ABLIM2: variants seen among roughly 807,000 people sequenced by gnomAD.
ABLIM2 encodes actin-binding LIM protein 2.
A neutral mutation model predicts 97.7 loss-of-function variants in ABLIM2; 53 were observed. That is an observed-to-expected ratio of 0.54 (90% CI 0.44 to 0.68). The LOEUF is 0.68. ABLIM2 is among the 30% of genes least tolerant of loss of function. The probability of loss-of-function intolerance (pLI) is 0.00; values close to 1 mark genes in which losing one functional copy is unlikely to be tolerated. For synonymous variants in ABLIM2, 361 were observed against 345.8 expected, an observed-to-expected ratio of 1.04 and a Z score of -0.49; for missense variants, 835 against 867.2, an observed-to-expected ratio of 0.96 and a Z score of 0.47.
intron 9 of ABLIM2, among the ~76,000 whole-genome samples, chr4:8,037,547 C>A (rs1395166948): frequency 6.6e-6 from 1 of 151,956 alleles, no homozygotes; most frequent in Non-Finnish European, 1.5e-5. Context: ...CTCACTCACA[C>A]ACAACCGGCA....
chr4:7,970,321 A>G lies in ABLIM2; in HGVS notation c.1825-3218T>C, dbSNP rs974508131. Among the ~76,000 whole-genome samples, 1 of 151,652 alleles carries G rather than the reference A, an allele frequency of 6.6e-6. No individual in the cohort carries two copies. Among genetic ancestry groups the G allele is most frequent in the Non-Finnish European group, 1.5e-5 (1 of 67,920 alleles). Reference sequence around the variant, plus strand: ...GCTTCCTGCTGGGGGAGGCTAAGGGAGGGGCGCAAAGGTGCTGGTGGGCAG... The same window carrying G: ...GCTTCCTGCTGGGGGAGGCTAAGGGGGGGGCGCAAAGGTGCTGGTGGGCAG... On this transcript the variant is annotated intron_variant, in intron 20 of 20. Transcript: ENST00000447017. The surrounding 1 kb of genome is among the most constrained non-coding windows in gnomAD (Gnocchi z 5.3).
intron 1 of ABLIM2, among the ~76,000 whole-genome samples, chr4:8,158,363 C>A (rs1319974081): frequency 6.6e-6 from 1 of 152,180 alleles, no homozygotes; most frequent in Non-Finnish European, 1.5e-5. Context: ...ACCCTGACCG[C>A]TTTCTGCAGC....
At position 8,061,058 on chromosome 4, in the gene ABLIM2, TA is replaced by T; in HGVS notation, c.676-5del. 6.3e-7 allele frequency: 1 copy of T among 1,580,124 alleles called. No individual in the cohort carries two copies. The highest frequency in any genetic ancestry group is 1.2e-5 in the South Asian group (1 of 86,106). ...GGTGGTAGTGCTTCTCTCCGGCCTG[TA>T]AGAAAAGCACAAAGCAGAATGTTTC... On this transcript the variant is annotated splice_polypyrimidine_tract_variant and splice_region_variant and intron_variant, in intron 6 of 20. Coordinates refer to ENST00000447017, the MANE Select transcript of ABLIM2 (RefSeq NM_001130083.2). The surrounding 1 kb of genome is among the most constrained non-coding windows in gnomAD (Gnocchi z 4.5).
intron 6 of ABLIM2, among the ~76,000 whole-genome samples, chr4:8,062,036 G>A (rs1271574650): frequency 1.3e-5 from 2 of 152,146 alleles, no homozygotes; most frequent in African/African-American, 4.8e-5. Context: ...TGATAAGGCC[G>A]TGAATCTTCC....
rs1352242630 is a variant in ABLIM2 at position 8,120,083 on chromosome 4, A to C, written c.11-13446T>G. Reference sequence around the variant, plus strand: ...GCGACAGGCACAGACGTCGGGCGGCAGGGTCCCTGGCGGCCCCCAGAGCCT... The same window carrying C: ...GCGACAGGCACAGACGTCGGGCGGCCGGGTCCCTGGCGGCCCCCAGAGCCT... On this transcript the variant is annotated intron_variant, in intron 1 of 20. Coordinates refer to ENST00000447017, the MANE Select transcript of ABLIM2 (RefSeq NM_001130083.2). The surrounding 1 kb of genome is among the most constrained non-coding windows in gnomAD (Gnocchi z 5.6). 3.3e-5 allele frequency among the ~76,000 whole-genome samples: 5 copies of C among 152,178 alleles called. No homozygotes were observed. The highest frequency in any genetic ancestry group is 3.3e-4 in the Admixed American group (5 of 15,290).
chr4:8,053,173 A>G (rs1467007804), intron 8 of ABLIM2, among the ~76,000 whole-genome samples: 1 of 152,194 alleles, frequency 6.6e-6, no homozygotes, highest in African/African-American at 2.4e-5. Context: ...CTGCTCACTG[A>G]GATAAGTGCA....
intron 15 of ABLIM2, 128 bp from the exon 16 acceptor site, chr4:8,008,328 T>C (rs1047625309): frequency 2.3e-6 from 2 of 852,418 alleles, no homozygotes; most frequent in African/African-American, 1.7e-5. Context: ...GAAAACTCAA[T>C]ATGTGAGAGA....
intron 20 of ABLIM2, among the ~76,000 whole-genome samples, chr4:7,967,477 T>C (rs1723812706): frequency 6.6e-6 from 1 of 152,190 alleles, no homozygotes; most frequent in Admixed American, 6.5e-5. Flanking sequence ...ATTTGTTACT[T>C]CAGTGAGTGG....
Position 7,971,205 on chromosome 4 carries a change from G to A in ABLIM2, c.1825-4102C>T, listed in dbSNP as rs148538489. Among the ~76,000 whole-genome samples, 648 of 152,290 alleles carry A rather than the reference G, an allele frequency of 4.3e-3. 1 individual carries two copies. The highest frequency in any genetic ancestry group is 0.012 in the African/African-American group (493 of 41,568). ...CTCACTCAGGGCCAGAGGCAGGCAGGCTTTCTCCATGGGTCTGCCAGGGCA... is the reference window on the plus strand; with the variant it reads ...CTCACTCAGGGCCAGAGGCAGGCAGACTTTCTCCATGGGTCTGCCAGGGCA... On this transcript the variant is annotated intron_variant, in intron 20 of 20. Transcript: ENST00000447017.
chr4:8,111,719 A>C (rs1840421206), intron 1 of ABLIM2, among the ~76,000 whole-genome samples: 3 of 152,158 alleles, frequency 2.0e-5, no homozygotes, highest in African/African-American at 7.2e-5. Flanking sequence ...TGAGGTCAGG[A>C]GTTTGAGATC....
At chr4:8,024,124 G>A (rs749192066) in intron 12 of ABLIM2, among the ~76,000 whole-genome samples, 16 of 152,156 alleles carry the variant, frequency 1.1e-4, no homozygotes, top group Admixed American at 5.9e-4. Context: ...TGGAGGGTGC[G>A]GGCCTGGACC....
intron 1 of ABLIM2, among the ~76,000 whole-genome samples, chr4:8,137,845 C>T (rs1050313623): frequency 1.3e-5 from 2 of 152,178 alleles, no homozygotes; most frequent in Non-Finnish European, 2.9e-5. Flanking sequence ...AAAGCAGGCT[C>T]CCTAGGAGAT....
chr4:8,039,424 GCCCCTGCCCGACCCCTCAGACA>G (rs1160142853), intron 9 of ABLIM2, among the ~76,000 whole-genome samples: 22 of 152,292 alleles, frequency 1.4e-4, no homozygotes, highest in African/African-American at 5.3e-4. Context: ...GATGCCAACA[GCCCCTGCCCGACCCCTCAGACA>G]GGTTGCTAAG....
At position 8,083,210 on chromosome 4, in the gene ABLIM2, A is replaced by G. The variant is rs1308120327; in HGVS notation, c.455-2408T>C. On this transcript the variant is annotated intron_variant, in intron 4 of 20. Transcript: ENST00000447017. This position sits in a 1 kb window ranked among gnomAD's most constrained non-coding sequence, Gnocchi z 4.6. The stretch of plus-strand genomic sequence containing the variant: ...CATGGGGCTGTGTGTCGACCAGAGG[A>G]CAGACAGCAGACAGCAGCGGTCAGA... Among the ~76,000 whole-genome samples, 1 of 152,180 alleles carries G rather than the reference A, an allele frequency of 6.6e-6. No individual in the cohort carries two copies. Among genetic ancestry groups the G allele is most frequent in the Non-Finnish European group, 1.5e-5 (1 of 68,038 alleles).
rs34336913 is a variant in ABLIM2 at position 7,999,216 on chromosome 4, C to T, written c.1619-6289G>A. ...CTGGGATTACAGGCATGTACCACTG[C>T]GCCCAGCTAATTTTGTATTTTTAGT... On this transcript the variant is annotated intron_variant, in intron 16 of 20. Coordinates refer to ENST00000447017, the MANE Select transcript of ABLIM2 (RefSeq NM_001130083.2). This position sits in a 1 kb window ranked among gnomAD's most constrained non-coding sequence, Gnocchi z 4.4. Among the ~76,000 whole-genome samples the T allele has an allele frequency of 0.069, 10,487 of 152,202 alleles. 434 individuals are homozygous for T. Among genetic ancestry groups the T allele is most frequent in the Non-Finnish European group, 0.091 (6,177 of 68,000 alleles).
rs1791003639 is a variant in ABLIM2, at chr4:8,044,657, C to T, written c.900+507G>A. Among the ~76,000 whole-genome samples the T allele has an allele frequency of 8.3e-6, 1 of 119,918 alleles. No individual in the cohort carries two copies. Among genetic ancestry groups the T allele is most frequent in the Non-Finnish European group, 1.9e-5 (1 of 51,722 alleles). 78.7% of individuals were successfully genotyped at this position (119,918 alleles called of 152,430 possible). A position where few individuals can be genotyped will look rare whatever the true frequency, so the allele number is the denominator to read the frequency against. On this transcript the variant is annotated intron_variant, in intron 9 of 20. Coordinates refer to ENST00000447017, the MANE Select transcript of ABLIM2 (RefSeq NM_001130083.2). The surrounding 1 kb of genome is among the most constrained non-coding windows in gnomAD (Gnocchi z 4.4). ...AGGCGCACAGACACACACACACACACACACACACAGAGTCTCTCTCTCTCT... is the reference window on the plus strand; with the variant it reads ...AGGCGCACAGACACACACACACACATACACACACAGAGTCTCTCTCTCTCT...
chr4:8,000,919 C>G (rs149007550), intron 16 of ABLIM2, among the ~76,000 whole-genome samples: 1 of 152,166 alleles, frequency 6.6e-6, no homozygotes, highest in Non-Finnish European at 1.5e-5. Flanking sequence ...TCAAAGTCAC[C>G]GCTGGACATT....
chr4:7,984,575 C>G (rs1189787935), intron 18 of ABLIM2, among the ~76,000 whole-genome samples: 1 of 152,252 alleles, frequency 6.6e-6, no homozygotes, highest in African/African-American at 2.4e-5. Context: ...CCAAGTGACA[C>G]AGAGTGCCAT....
chr4:8,060,614 C>T (rs889779390), intron 7 of ABLIM2, among the ~76,000 whole-genome samples: 2 of 152,292 alleles, frequency 1.3e-5, no homozygotes, highest in Admixed American at 6.5e-5. Context: ...TGAGCTGGGG[C>T]GGCTTTCTAG....
Sources: allele counts gnomAD v4.1 joint callset (sites outside exome capture counted in the v4.1 genomes callset), GRCh38; gene constraint gnomAD v4.1.1; non-coding constraint Gnocchi (gnomAD v3.1); transcripts MANE v1.5; gene names NCBI Gene and HGNC (gene_info 2026-07-23, HGNC 2026-07-21).